IPO11: variants seen among roughly 807,000 people sequenced by gnomAD.
IPO11 encodes the protein importin-11.
IPO11 carries 66 observed loss-of-function variants against 143.2 expected under a neutral mutation model. The ratio of observed to expected loss-of-function variants is 0.46; its 90% CI spans 0.38 to 0.57. The LOEUF (loss-of-function observed/expected upper bound fraction) is 0.57. Among genes scored for constraint, IPO11 ranks in the 20% least tolerant of loss-of-function variants. The pLI is 0.00. For missense variants in IPO11, 1,026 were observed against 1,141.0 expected (o/e 0.90, Z 1.45); for synonymous variants, 385 against 377.8 (o/e 1.02, Z -0.22).
In IPO11 at chr5:62,449,702, T is replaced by C. The variant is rs186153831; in HGVS notation, c.240-225T>C. ...TGTACAAGTAATAGAAATAATCTTA[T>C]TCATTTACCAGAACCAATTAGGGAC... On this transcript the variant is annotated intron_variant, in intron 3 of 29. Coordinates refer to ENST00000325324, the MANE Select transcript of IPO11 (RefSeq NM_016338.5). 214 of 347,920 alleles carry C rather than the reference T, an allele frequency of 6.2e-4. 1 individual carries two copies. The highest frequency in any genetic ancestry group is 9.5e-4 in the Admixed American group (20 of 21,108). The allele number at this position is 347,920 out of a possible 1,614,324, so 21.6% of individuals were successfully genotyped here. A position where few individuals can be genotyped will look rare whatever the true frequency, so the allele number is the denominator to read the frequency against.
chr5:62,563,219 T>C (rs989030427), intron 27 of IPO11, among the ~76,000 whole-genome samples: 2 of 152,226 alleles, frequency 1.3e-5, no homozygotes, highest in Admixed American at 1.3e-4. Context: ...GACTTGAGAA[T>C]TATTGAGGTT....
chr5:62,551,475 A>G, intron 26 of IPO11, 139 bp downstream of exon 26: 1 of 505,084 alleles, frequency 2.0e-6, no homozygotes, highest in East Asian at 3.1e-5. Context: ...TTTATGCTGT[A>G]TCAATAATTT....
intron 29 of IPO11, among the ~76,000 whole-genome samples, chr5:62,607,538 A>C (rs552974036): frequency 6.6e-6 from 1 of 152,266 alleles, no homozygotes; most frequent in African/African-American, 2.4e-5. Context: ...AATATCAGTA[A>C]TTTTTAATGT....
At position 62,569,185 on chromosome 5, in the gene IPO11, C is replaced by G. The variant is rs963221676; in HGVS notation, c.2582+7928C>G. Among the ~76,000 whole-genome samples the G allele has an allele frequency of 3.9e-5, 6 of 152,150 alleles. 1 individual carries two copies. Among genetic ancestry groups the G allele is most frequent in the Non-Finnish European group, 5.9e-5 (4 of 68,034 alleles). ...GTAGTAGCTTCCAAGGCAAAGCTGT[C>G]TGCAAACTTCCTTCTCTCTCTCCCC... On this transcript the variant is annotated intron_variant, in intron 27 of 29. Coordinates refer to ENST00000325324, the MANE Select transcript of IPO11 (RefSeq NM_016338.5).
intron 26 of IPO11, among the ~76,000 whole-genome samples, chr5:62,556,014 C>G (rs1342933045): frequency 6.6e-6 from 1 of 152,130 alleles, no homozygotes. Flanking sequence ...GGGTCCATAT[C>G]AACATTTGAT....
intron 29 of IPO11, among the ~76,000 whole-genome samples, chr5:62,623,733 G>A (rs1034485938): frequency 2.8e-5 from 4 of 145,054 alleles, no homozygotes; most frequent in East Asian, 2.1e-4. Context: ...TGCAGTCTCC[G>A]CCTCCCGAGT....
At chr5:62,519,837 T>C (rs1230724598) in intron 20 of IPO11, among the ~76,000 whole-genome samples, 3 of 152,218 alleles carry the variant, frequency 2.0e-5, no homozygotes, top group Non-Finnish European at 4.4e-5. Context: ...GAAGAATCTG[T>C]TTCCGTACTC....
intron 24 of IPO11, among the ~76,000 whole-genome samples, chr5:62,538,338 T>C (rs1423459752): frequency 6.6e-6 from 1 of 152,214 alleles, no homozygotes; most frequent in East Asian, 1.9e-4. Context: ...ATAACTGATA[T>C]GGTTAGGCTT....
intron 29 of IPO11, among the ~76,000 whole-genome samples, chr5:62,606,349 G>T (rs989371506): frequency 6.6e-6 from 1 of 151,370 alleles, no homozygotes; most frequent in Non-Finnish European, 1.5e-5. Context: ...GCATGATGGC[G>T]TGCATCTGTA....
intron 19 of IPO11, among the ~76,000 whole-genome samples, chr5:62,514,860 TG>T (rs1252731828): frequency 2.0e-5 from 3 of 152,196 alleles, no homozygotes; most frequent in East Asian, 3.9e-4. Flanking sequence ...CCTTTGAAAA[TG>T]TTTTTTTTCT....
chr5:62,553,262 A>G (rs1002241898), intron 26 of IPO11, among the ~76,000 whole-genome samples: 3 of 151,498 alleles, frequency 2.0e-5, no homozygotes, highest in Non-Finnish European at 4.4e-5. Context: ...CTCTAGCCTC[A>G]CTCATGTTGC....
intron 27 of IPO11, among the ~76,000 whole-genome samples, chr5:62,589,085 TATG>T (rs1225241183): frequency 2.6e-5 from 4 of 152,152 alleles, no homozygotes; most frequent in African/African-American, 9.7e-5. Context: ...CTGCCTCTGT[TATG>T]ATCCCACTTC....
chr5:62,433,619 A>G (rs1438961905), intron 1 of IPO11, among the ~76,000 whole-genome samples: 2 of 152,220 alleles, frequency 1.3e-5, no homozygotes, highest in South Asian at 2.1e-4. Context: ...CCAAAAATGT[A>G]TGAACTGAGC....
intron 27 of IPO11, chr5:62,579,444 TG>T (rs768609513): frequency 6.4e-7 from 1 of 1,550,806 alleles, no homozygotes; most frequent in South Asian, 1.2e-5. Context: ...GGGATATGTG[TG>T]GATTACAGTT....
chr5:62,560,903 A>G (rs1041426331), intron 26 of IPO11: 1 of 328,172 alleles, frequency 3.0e-6, no homozygotes, highest in African/African-American at 2.1e-5. Flanking sequence ...TGGGCTACAT[A>G]CATGTTTTGA....
At chr5:62,523,903 A>G (rs1017880695) in intron 20 of IPO11, among the ~76,000 whole-genome samples, 1 of 149,998 alleles carries the variant, frequency 6.7e-6, no homozygotes, top group African/African-American at 2.5e-5. Flanking sequence ...GGAGGATGCT[A>G]TTTTTTTTTA....
At chr5:62,577,670 G>A (rs1014021020) in intron 27 of IPO11, among the ~76,000 whole-genome samples, 3 of 152,034 alleles carry the variant, frequency 2.0e-5, no homozygotes, top group Non-Finnish European at 4.4e-5. Flanking sequence ...ATAGGTGTAA[G>A]AATCATAAGT....
chr5:62,627,384 A>G lies in IPO11; in HGVS notation c.*66A>G, dbSNP rs561773907. On this transcript the variant is annotated 3_prime_UTR_variant, in exon 30 of 30. Coordinates refer to ENST00000325324, the MANE Select transcript of IPO11 (RefSeq NM_016338.5). ...CTGAGTAACCCAGCCTGCCGTTTGT[A>G]TGTGAGAGCCTGCTGAGATGAAGAA... is the stretch of plus-strand genomic sequence containing the variant. The G allele has an allele frequency of 4.1e-6, 6 of 1,464,842 alleles. No homozygotes were observed. The African/African-American group carries it at 4.2e-5, about 10-fold the overall frequency. 90.7% of individuals were successfully genotyped at this position (1,464,842 alleles called of 1,614,324 possible). A position where few individuals can be genotyped will look rare whatever the true frequency, so the allele number is the denominator to read the frequency against.
At chr5:62,493,774 G>C (rs1327650837) in intron 15 of IPO11, among the ~76,000 whole-genome samples, 1 of 152,004 alleles carries the variant, frequency 6.6e-6, no homozygotes, top group Non-Finnish European at 1.5e-5. Flanking sequence ...TCACCATGTT[G>C]CCCAGATTGG....
Sources: gnomAD v4.1 joint callset for allele counts (sites outside exome capture counted in the v4.1 genomes callset) on GRCh38, gnomAD v4.1.1 for gene constraint, MANE v1.5 for transcripts, NCBI Gene and HGNC (gene_info 2026-07-23, HGNC 2026-07-21) for gene names.